The following CTDNEP1 variants were observed in gnomAD, a reference collection of about 807,000 sequenced individuals.
CTDNEP1 encodes CTD nuclear envelope phosphatase 1, also known as C-terminal domain nuclear envelope phosphatase 1.
A neutral mutation model predicts 30.1 loss-of-function variants in CTDNEP1; 3 were observed. That is an observed-to-expected ratio of 0.10 (90% CI 0.05 to 0.26). The LOEUF is 0.26. CTDNEP1 is among the 10% of genes least tolerant of loss of function. The probability of loss-of-function intolerance (pLI) is 1.00; values close to 1 mark genes in which losing one functional copy is unlikely to be tolerated. For missense variants in CTDNEP1, 158 were observed against 310.4 expected (o/e 0.51, Z 3.69); for synonymous variants, 123 against 118.8 (o/e 1.04, Z -0.23).
rs1242709670 is a variant in CTDNEP1, at chr17:7,251,188, G to A, written c.102+7C>T. ...CCCCAACACCGCCAGCGCCCACCCT[G>A]GCTCACCGTGCGGATCTGCCTCCGC... On this transcript the variant is annotated splice_region_variant and intron_variant, in intron 1 of 7. Coordinates refer to ENST00000574322, the MANE Select transcript of CTDNEP1 (RefSeq NM_001143775.2). 3 of 1,590,852 alleles carry A rather than the reference G, an allele frequency of 1.9e-6. No individual in the cohort carries two copies. The highest frequency in any genetic ancestry group is 2.6e-6 in the Non-Finnish European group (3 of 1,169,178).
In CTDNEP1 at chr17:7,247,470, C is replaced by CTT. The variant is rs763334733; in HGVS notation, c.103-129_103-128dup. 4.5e-3 allele frequency: 2,425 copies of CTT among 543,286 alleles called. 1 individual carries two copies. The highest frequency in any genetic ancestry group is 5.3e-3 in the Non-Finnish European group (1,648 of 310,890). 33.7% of individuals were successfully genotyped at this position (543,286 alleles called of 1,614,324 possible). Reference sequence around the variant, plus strand: ...ATGTAATTTAGGCTTATTTCTTCTTCTTTTTTTTTTTTTTTTGAGATGGAG... The same window carrying CTT: ...ATGTAATTTAGGCTTATTTCTTCTTCTTTTTTTTTTTTTTTTTTGAGATGGAG... On this transcript the variant is annotated intron_variant, in intron 1 of 7. Transcript: ENST00000574322.
Position 7,247,358 on chromosome 17 carries a change from A to G in CTDNEP1, c.103-15T>C, listed in dbSNP as rs191154269. 2.2e-5 allele frequency: 36 copies of G among 1,610,408 alleles called. No homozygotes were observed. In the South Asian group the frequency reaches 3.8e-4, roughly 17 times the overall value. On this transcript the variant is annotated splice_polypyrimidine_tract_variant and intron_variant, in intron 1 of 7. Transcript: ENST00000574322. The stretch of plus-strand genomic sequence containing the variant: ...TACTGAATTACCTACAAATAGCACA[A>G]AAGAGGATTGAAACCCTTGATAAGG...
chr17:7,250,379 A>G (rs950894251), intron 1 of CTDNEP1, among the ~76,000 whole-genome samples: 2 of 152,130 alleles, frequency 1.3e-5, no homozygotes, highest in Admixed American at 1.3e-4. Flanking sequence ...CCTTGGAGAA[A>G]AGCTAAGGGA....
At chr17:7,247,460 A>G in intron 1 of CTDNEP1, 117 bp from the exon 2 acceptor site, 1 of 706,070 alleles carries the variant, frequency 1.4e-6, no homozygotes, top group Non-Finnish European at 2.4e-6. Context: ...ATTTAGGCTT[A>G]TTTCTTCTTC....
chr17:7,244,210 T>C lies in CTDNEP1; in HGVS notation c.710A>G (p.Asn237Ser). ...TADVRSVLSR[N>S]LHQHRLW ...TCACCAGAGCCGATGTTGGTGAAGG[T>C]TTCGGCTCAGCACGGAACGAACATC... Residue 237 changes from asparagine to serine, a missense_variant, in exon 8 of 8, where the codon AAC becomes AGC. Physicochemically the swap from Asn to Ser is conservative, Grantham distance 46. Coordinates refer to ENST00000574322, the MANE Select transcript of CTDNEP1 (RefSeq NM_001143775.2). 2 of 1,614,050 alleles carry C rather than the reference T, an allele frequency of 1.2e-6. No homozygotes were observed. The highest frequency in any genetic ancestry group is 1.7e-6 in the Non-Finnish European group (2 of 1,180,000).
chr17:7,244,877 G>A (rs1180465785), intron 6 of CTDNEP1: 2 of 437,242 alleles, frequency 4.6e-6, no homozygotes, highest in African/African-American at 4.1e-5. Flanking sequence ...AACACACTTG[G>A]CCAGGCGCAG....
At chr17:7,248,259 C>CCA (rs1379101575) in intron 1 of CTDNEP1, among the ~76,000 whole-genome samples, 890 of 15,394 alleles carry the variant, frequency 0.058, 101 homozygotes, top group African/African-American at 0.079. Context: ...GACTCCGTCG[C>CCA]AAAAAAAAAA....
At chr17:7,245,162 G>A (rs1219587544) in intron 6 of CTDNEP1, among the ~76,000 whole-genome samples, 3 of 152,230 alleles carry the variant, frequency 2.0e-5, no homozygotes, top group South Asian at 4.1e-4. Flanking sequence ...CGTGGTGGCA[G>A]GTGCCTGTGA....
intron 1 of CTDNEP1, among the ~76,000 whole-genome samples, chr17:7,250,581 G>C (rs2071903357): frequency 6.6e-6 from 1 of 152,286 alleles, no homozygotes; most frequent in East Asian, 1.9e-4. Flanking sequence ...GAGGCCCATC[G>C]TAAAAGCATC....
Position 7,251,332 on chromosome 17 carries a change from C to G in CTDNEP1, c.-36G>C. On this transcript the variant is annotated 5_prime_UTR_variant, in exon 1 of 8. Coordinates refer to ENST00000574322, the MANE Select transcript of CTDNEP1 (RefSeq NM_001143775.2). The stretch of plus-strand genomic sequence containing the variant: ...CCGGCACCGCCGGCCCCGGGGCCCC[C>G]GCGGCCCAGCTCCGCCAGCCCCCCG... 1 of 1,419,640 alleles carries G rather than the reference C, an allele frequency of 7.0e-7. No homozygotes were observed. The highest frequency in any genetic ancestry group is 9.3e-7 in the Non-Finnish European group (1 of 1,071,404). The allele number at this position is 1,419,640 out of a possible 1,614,324, so 87.9% of individuals were successfully genotyped here. A position where few individuals can be genotyped will look rare whatever the true frequency, so the allele number is the denominator to read the frequency against.
At chr17:7,249,690 C>G (rs576026901) in intron 1 of CTDNEP1, among the ~76,000 whole-genome samples, 1 of 152,294 alleles carries the variant, frequency 6.6e-6, no homozygotes, top group Non-Finnish European at 1.5e-5. Context: ...GCGGGCAGAT[C>G]ACTTGAGGTC....
chr17:7,250,825 T>C (rs1285545262), intron 1 of CTDNEP1, among the ~76,000 whole-genome samples: 2 of 151,870 alleles, frequency 1.3e-5, no homozygotes, highest in South Asian at 2.1e-4. Context: ...AGGTTCCAAA[T>C]AGGGTCTTTC....
At chr17:7,250,180 AC>A (rs1157024773) in intron 1 of CTDNEP1, among the ~76,000 whole-genome samples, 3 of 152,096 alleles carry the variant, frequency 2.0e-5, no homozygotes, top group East Asian at 3.9e-4. Flanking sequence ...ACCCCAGGTC[AC>A]CCCAACCTGG....
rs755835552 is a variant in CTDNEP1 at position 7,248,259 on chromosome 17, CAAAA to C, written c.103-920_103-917del. 3.9e-3 allele frequency among the ~76,000 whole-genome samples: 60 copies of C among 15,368 alleles called. 2 individuals carry two copies. The highest frequency in any genetic ancestry group is 7.9e-3 in the Admixed American group (7 of 888). 10.1% of individuals were successfully genotyped at this position (15,368 alleles called of 152,430 possible). ...CTGGTGACAGAGCAAGACTCCGTCGCAAAAAAAAAAAAAAAAAAAAAAAAAAAAG... is the reference window on the plus strand; with the variant it reads ...CTGGTGACAGAGCAAGACTCCGTCGCAAAAAAAAAAAAAAAAAAAAAAAAG... On this transcript the variant is annotated intron_variant, in intron 1 of 7. Coordinates refer to ENST00000574322, the MANE Select transcript of CTDNEP1 (RefSeq NM_001143775.2).
Position 7,251,264 on chromosome 17 carries a change from G to A in CTDNEP1, c.33C>T (p.Arg11=), listed in dbSNP as rs765744682. 12 of 1,600,468 alleles carry A rather than the reference G, an allele frequency of 7.5e-6. No individual in the cohort carries two copies. The highest frequency in any genetic ancestry group is 9.4e-6 in the Non-Finnish European group (11 of 1,174,932). The change falls in exon 1 of 8, where the codon CGC becomes CGT. Residue 11 remains arginine, a synonymous_variant. Coordinates refer to ENST00000574322, the MANE Select transcript of CTDNEP1 (RefSeq NM_001143775.2). ...GCTTGGCGGCGAAGGCCACGAACGTGCGCAGCCCCAGCAGACACTGCGTCC... is the reference window on the plus strand; with the variant it reads ...GCTTGGCGGCGAAGGCCACGAACGTACGCAGCCCCAGCAGACACTGCGTCC... The part of the protein sequence containing the change: MMRTQCLLGL[R]TFVAFAAKLW...
rs1313467532 is a variant in CTDNEP1 at position 7,243,849 on chromosome 17, T to G, written c.*336A>C. The G allele has an allele frequency of 2.4e-6, 2 of 846,674 alleles. No individual in the cohort carries two copies. The highest frequency in any genetic ancestry group is 3.5e-5 in the African/African-American group (2 of 56,440). 52.4% of individuals were successfully genotyped at this position (846,674 alleles called of 1,614,324 possible). On this transcript the variant is annotated 3_prime_UTR_variant, in exon 8 of 8. Transcript: ENST00000574322. ...AAATCACAACAAAGCTGACTTGGCT[T>G]CTCTTTGAGCCTCCTGGATCACCGT...
At chr17:7,245,817 G>GA (rs1449858017) in intron 6 of CTDNEP1, among the ~76,000 whole-genome samples, 5 of 151,906 alleles carry the variant, frequency 3.3e-5, no homozygotes, top group African/African-American at 1.2e-4. Flanking sequence ...TTTTAAAAAT[G>GA]AAAAAAATGA....
Position 7,243,838 on chromosome 17 carries a change from C to A in CTDNEP1, c.*347G>T. The A allele has an allele frequency of 1.5e-6, 1 of 685,524 alleles. No individual in the cohort carries two copies. The highest frequency in any genetic ancestry group is 1.9e-6 in the Non-Finnish European group (1 of 523,814). 42.5% of individuals were successfully genotyped at this position (685,524 alleles called of 1,614,324 possible). ...TAAAAAAAATCAAATCACAACAAAG[C>A]TGACTTGGCTTCTCTTTGAGCCTCC... On this transcript the variant is annotated 3_prime_UTR_variant, in exon 8 of 8. Coordinates refer to ENST00000574322, the MANE Select transcript of CTDNEP1 (RefSeq NM_001143775.2).
At chr17:7,251,113 C>A (rs959708611) in intron 1 of CTDNEP1, 82 bp downstream of exon 1, 1 of 991,416 alleles carries the variant, frequency 1.0e-6, no homozygotes, top group South Asian at 1.8e-5. Context: ...GCCCGACACT[C>A]CGAAAACCCC....
Sources: allele counts gnomAD v4.1 joint callset (sites outside exome capture counted in the v4.1 genomes callset), GRCh38; gene constraint gnomAD v4.1.1; transcripts MANE v1.5; gene names NCBI Gene and HGNC (gene_info 2026-07-23, HGNC 2026-07-21).